Variants in LRRIQ1 observed in about 807,000 individuals in gnomAD.
The protein encoded by LRRIQ1 is leucine rich repeats and IQ motif containing 1.
Under a neutral mutation model 211.9 loss-of-function variants are expected in LRRIQ1, and 210 were observed. The ratio of observed to expected loss-of-function variants is 0.99; its 90% CI spans 0.89 to 1.11. The LOEUF is 1.11. LRRIQ1 is among the 50% of genes most tolerant of loss of function. The pLI, the probability that LRRIQ1 is intolerant of heterozygous loss-of-function variation, is 0.00. For synonymous variants in LRRIQ1, 699 were observed against 650.1 expected, an observed-to-expected ratio of 1.08 and a Z score of -1.14; for missense variants, 2,136 against 1,939.5, an observed-to-expected ratio of 1.10 and a Z score of -1.90.
At chr12:85,058,267 G>A (rs1208005104) in intron 8 of LRRIQ1, among the ~76,000 whole-genome samples, 1 of 151,874 alleles carries the variant, frequency 6.6e-6, no homozygotes, top group Non-Finnish European at 1.5e-5. Context: ...TATTTCCTGG[G>A]TAATGTATTT....
At position 85,056,144 on chromosome 12, in the gene LRRIQ1, GTAGA is replaced by G; in HGVS notation, c.1356_1359del (p.Gln454LeufsTer3). The G allele has an allele frequency of 6.3e-7, 1 of 1,598,702 alleles. No homozygotes were observed. Among genetic ancestry groups the G allele is most frequent in the Non-Finnish European group, 8.5e-7 (1 of 1,175,640 alleles). On this transcript the variant is annotated frameshift_variant, in exon 8 of 27. Coordinates refer to ENST00000393217, the MANE Select transcript of LRRIQ1 (RefSeq NM_001079910.2). LOFTEE classifies it high-confidence loss of function. ...TGAGGAATCAAATATGAAAGAAAATGTAGATAGACAGACTATATTAAAAGAATCA... is the reference window on the plus strand; with the variant it reads ...TGAGGAATCAAATATGAAAGAAAATGTAGACAGACTATATTAAAAGAATCA...
chr12:85,190,997 A>C (rs2136937371), intron 24 of LRRIQ1, among the ~76,000 whole-genome samples: 1 of 152,104 alleles, frequency 6.6e-6, no homozygotes, highest in East Asian at 1.9e-4. Flanking sequence ...CTCACCTAAA[A>C]GTGCTGAAGT....
chr12:85,106,760 A>G, intron 15 of LRRIQ1, 145 bp downstream of exon 15: 1 of 613,876 alleles, frequency 1.6e-6, no homozygotes, highest in Non-Finnish European at 2.8e-6. Context: ...AAGTTTTGTA[A>G]AAGTAGTTTT....
intron 24 of LRRIQ1, among the ~76,000 whole-genome samples, chr12:85,201,210 G>T (rs969246324): frequency 5.3e-5 from 8 of 150,856 alleles, no homozygotes; most frequent in Non-Finnish European, 1.2e-4. Context: ...TGTTCATCGA[G>T]GCTATTGGCC....
intron 15 of LRRIQ1, among the ~76,000 whole-genome samples, chr12:85,117,626 T>C (rs1278881401): frequency 6.6e-6 from 1 of 152,140 alleles, no homozygotes; most frequent in Non-Finnish European, 1.5e-5. Context: ...GAATAAACTG[T>C]GGGTTATTCT....
intron 26 of LRRIQ1, among the ~76,000 whole-genome samples, chr12:85,234,098 A>G (rs1219418896): frequency 6.6e-6 from 1 of 151,944 alleles, no homozygotes; most frequent in Non-Finnish European, 1.5e-5. Context: ...ATAGCTGAGC[A>G]TGGGGGTGCA....
At chr12:85,256,430 G>A (rs867488499) in intron 1 of LRRIQ1, among the ~76,000 whole-genome samples, 23 of 151,580 alleles carry the variant, frequency 1.5e-4, no homozygotes, top group South Asian at 6.2e-4. Context: ...AAAAATAAAT[G>A]GATATGGTTA....
chr12:85,208,981 C>T (rs1300306977), intron 24 of LRRIQ1, among the ~76,000 whole-genome samples: 2 of 152,248 alleles, frequency 1.3e-5, no homozygotes, highest in East Asian at 3.9e-4. Context: ...ACATAGAGCA[C>T]TCAGCTATGA....
chr12:85,098,614 T>A, intron 12 of LRRIQ1, 66 bp downstream of exon 12: 1 of 1,343,910 alleles, frequency 7.4e-7, no homozygotes, highest in Non-Finnish European at 1.0e-6. Context: ...GAAATACCAA[T>A]CACATATTAA....
In LRRIQ1 at chr12:85,066,800, T is replaced by C. The variant is rs1312301960; in HGVS notation, c.2597T>C (p.Val866Ala). Residue 866 changes from valine to alanine, a missense_variant, in exon 10 of 27, where the codon GTT (valine) becomes GCT (alanine). Val to Ala is a moderately conservative substitution (Grantham distance 64, BLOSUM62 0). Coordinates refer to ENST00000393217, the MANE Select transcript of LRRIQ1 (RefSeq NM_001079910.2). Reference sequence around the variant, plus strand: ...GAAAATTTGGAAAATCTCTGTGTTGTTCTTCTTAATAAAAATCAACTGACT... The same window carrying C: ...GAAAATTTGGAAAATCTCTGTGTTGCTCTTCTTAATAAAAATCAACTGACT... ...ECENLENLCV[V>A]LLNKNQLTSL... 1.9e-6 allele frequency: 3 copies of C among 1,600,606 alleles called. No homozygotes were observed. Among genetic ancestry groups the C allele is most frequent in the Non-Finnish European group, 2.6e-6 (3 of 1,173,144 alleles).
intron 16 of LRRIQ1, 131 bp from the exon 17 acceptor site, chr12:85,123,939 A>T (rs1888168291): frequency 1.6e-6 from 1 of 634,394 alleles, no homozygotes; most frequent in Non-Finnish European, 2.7e-6. Context: ...ACTAGAAATA[A>T]TCTATAATGA....
intron 11 of LRRIQ1, among the ~76,000 whole-genome samples, chr12:85,086,531 C>G (rs1375702184): frequency 1.3e-5 from 2 of 152,054 alleles, no homozygotes; most frequent in East Asian, 3.9e-4. Flanking sequence ...GATGTCAGCA[C>G]TATGCTTCCT....
chr12:85,208,231 G>C (rs1016675013), intron 24 of LRRIQ1, among the ~76,000 whole-genome samples: 1 of 151,776 alleles, frequency 6.6e-6, no homozygotes, highest in Non-Finnish European at 1.5e-5. Flanking sequence ...AAGTTGATAA[G>C]GAGTTCCTCA....
At chr12:85,047,510 A>C (rs760975501) in intron 6 of LRRIQ1, 40 bp downstream of exon 6, 1 of 1,503,016 alleles carries the variant, frequency 6.7e-7, no homozygotes, top group Non-Finnish European at 9.2e-7. Context: ...TAAAATCAGT[A>C]GCTACCTCTG....
intron 1 of LRRIQ1, among the ~76,000 whole-genome samples, chr12:85,252,742 CAG>C (rs1895984837): frequency 6.6e-6 from 1 of 151,442 alleles, no homozygotes; most frequent in African/African-American, 2.4e-5. Flanking sequence ...TGGGAGGAGA[CAG>C]AAAGTTTCCT....
At chr12:85,117,211 A>G (rs1887645262) in intron 15 of LRRIQ1, among the ~76,000 whole-genome samples, 1 of 152,210 alleles carries the variant, frequency 6.6e-6, no homozygotes, top group African/African-American at 2.4e-5. Context: ...AATATCAGGT[A>G]GCAGCCAGAG....
chr12:85,260,129 T>TAAAAA (rs34282611), intron 1 of LRRIQ1, among the ~76,000 whole-genome samples: 16 of 115,580 alleles, frequency 1.4e-4, no homozygotes, highest in East Asian at 5.2e-4. Context: ...TCATGTTGGT[T>TAAAAA]AAAAAAAAAA....
chr12:85,156,125 A>G (rs942060628), intron 23 of LRRIQ1, among the ~76,000 whole-genome samples: 1 of 151,756 alleles, frequency 6.6e-6, no homozygotes, highest in Admixed American at 6.6e-5. Flanking sequence ...TACTCCAATA[A>G]CATGATTATA....
At chr12:85,134,910 C>A (rs1317000421) in intron 18 of LRRIQ1, among the ~76,000 whole-genome samples, 1 of 151,882 alleles carries the variant, frequency 6.6e-6, no homozygotes, top group Non-Finnish European at 1.5e-5. Context: ...ATAAATTATT[C>A]CTTTCATAAA....
Sources: gnomAD v4.1 joint callset for allele counts (sites outside exome capture counted in the v4.1 genomes callset) on GRCh38, gnomAD v4.1.1 for gene constraint, MANE v1.5 for transcripts, NCBI Gene and HGNC (gene_info 2026-07-23, HGNC 2026-07-21) for gene names.